MYH9: variants seen among roughly 807,000 people sequenced by gnomAD.
MYH9 encodes myosin-9.
MYH9 carries 29 observed loss-of-function variants against 241.9 expected under a neutral mutation model. The observed-to-expected ratio is 0.12, with a 90% CI of 0.09 to 0.16. The LOEUF is 0.16. Ranked by LOEUF, MYH9 falls within the 10% of genes least tolerant of loss-of-function variation. The pLI, the probability that MYH9 is intolerant of heterozygous loss-of-function variation, is 1.00. For synonymous variants in MYH9, 1,047 were observed against 1,062.6 expected (o/e 0.99, Z 0.29); for missense variants, 1,803 against 2,595.5 (o/e 0.69, Z 6.63).
At chr22:36,289,373 T>C (rs1435436919) in intron 31 of MYH9, 76 bp from the exon 32 acceptor site, 3 of 1,429,368 alleles carry the variant, frequency 2.1e-6, no homozygotes, top group Non-Finnish European at 2.9e-6. Flanking sequence ...CTAAGCTCCC[T>C]GGGGAAGGAG....
In MYH9 at chr22:36,305,779, G is replaced by A; in HGVS notation, c.2159+151C>T. 9.2e-7 allele frequency: 1 copy of A among 1,092,440 alleles called. No individual in the cohort carries two copies. The highest frequency in any genetic ancestry group is 1.4e-6 in the Non-Finnish European group (1 of 724,502). The allele number at this position is 1,092,440 out of a possible 1,614,324, so 67.7% of individuals were successfully genotyped here. On this transcript the variant is annotated intron_variant, in intron 17 of 40. Coordinates refer to ENST00000216181, the MANE Select transcript of MYH9 (RefSeq NM_002473.6). This position sits in a 1 kb window ranked among gnomAD's most constrained non-coding sequence, Gnocchi z 4.7. ...CTGCAAAGGGTGGAAAAGAGAAGGA[G>A]GTGGGGAAGAGCTGGCCAGACTCAG...
chr22:36,314,093 G>A (rs946814756), intron 13 of MYH9, 52 bp downstream of exon 13: 23 of 1,581,906 alleles, frequency 1.5e-5, no homozygotes, highest in East Asian at 4.5e-5. Context: ...CGGGTGCCCC[G>A]GAAGGGAAAA....
chr22:36,300,011 G>T lies in MYH9; in HGVS notation c.2976+116C>A. ...GCAGTTAAGCAGAAGCCCTCATGCT[G>T]CAGGCAGAAGAGACAGGAAGCAGCA... On this transcript the variant is annotated intron_variant, in intron 23 of 40. Coordinates refer to ENST00000216181, the MANE Select transcript of MYH9 (RefSeq NM_002473.6). This position sits in a 1 kb window ranked among gnomAD's most constrained non-coding sequence, Gnocchi z 5.0. The T allele has an allele frequency of 1.4e-6, 2 of 1,445,404 alleles. No homozygotes were observed. Among genetic ancestry groups the T allele is most frequent in the Non-Finnish European group, 1.9e-6 (2 of 1,042,380 alleles). 89.5% of individuals were successfully genotyped at this position (1,445,404 alleles called of 1,614,324 possible). A position where few individuals can be genotyped will look rare whatever the true frequency, so the allele number is the denominator to read the frequency against.
intron 1 of MYH9, among the ~76,000 whole-genome samples, chr22:36,354,348 A>G (rs1276169388): frequency 4.6e-5 from 7 of 151,932 alleles, no homozygotes; most frequent in Admixed American, 1.3e-4. Flanking sequence ...CTCACTGTCC[A>G]ACATTTAATG....
chr22:36,309,184 A>G (rs2017020072), intron 15 of MYH9, 98 bp downstream of exon 15: 1 of 1,018,362 alleles, frequency 9.8e-7, no homozygotes, highest in Non-Finnish European at 1.5e-6. Context: ...CAGGGGGCAC[A>G]TGTGTACCCC....
intron 3 of MYH9, among the ~76,000 whole-genome samples, chr22:36,333,895 G>A (rs1016542527): frequency 2.0e-5 from 3 of 152,136 alleles, no homozygotes; most frequent in Non-Finnish European, 4.4e-5. Flanking sequence ...GCACGAAGTG[G>A]CTTAGTGATT....
In MYH9 at chr22:36,285,575, T is replaced by A. The variant is rs1049254599; in HGVS notation, c.5274+83A>T. The A allele has an allele frequency of 6.9e-6, 11 of 1,592,390 alleles. No individual in the cohort carries two copies. Among genetic ancestry groups the A allele is most frequent in the Admixed American group, 3.4e-5 (2 of 58,396 alleles). On this transcript the variant is annotated intron_variant, in intron 37 of 40. Coordinates refer to ENST00000216181, the MANE Select transcript of MYH9 (RefSeq NM_002473.6). This position sits in a 1 kb window ranked among gnomAD's most constrained non-coding sequence, Gnocchi z 7.0. ...TGGGGAGCAGCTGGCACTTGGCCTGTGCTTCTGCCGGCTGGGTCCAAGGCC... is the reference window on the plus strand; with the variant it reads ...TGGGGAGCAGCTGGCACTTGGCCTGAGCTTCTGCCGGCTGGGTCCAAGGCC...
rs950094791 is a variant in MYH9, at chr22:36,304,137, C to T, written c.2248G>A (p.Asp750Asn). The T allele has an allele frequency of 3.7e-6, 6 of 1,613,554 alleles. No homozygotes were observed. Among genetic ancestry groups the T allele is most frequent in the Non-Finnish European group, 4.2e-6 (5 of 1,180,018 alleles). The change falls in exon 19 of 41, where the codon GAC (aspartate) becomes AAC (asparagine). Residue 750 changes from aspartate to asparagine, a missense_variant. By Grantham distance (23) the Asp-to-Asn change is conservative. This residue lies in a region of MYH9 where 72 missense variants were observed against 83.3 expected (regional missense o/e 0.86). Transcript: ENST00000216181. ...TGGCCAATGCGGTACAGATTGCTGTCGAGCTCCAGGGCTTTTATCTAGGTG... is the reference window on the plus strand; with the variant it reads ...TGGCCAATGCGGTACAGATTGCTGTTGAGCTCCAGGGCTTTTATCTAGGTG... ...CVLMIKALEL[D>N]SNLYRIGQSK...
At chr22:36,310,158 C>A (rs2017037836) in intron 14 of MYH9, among the ~76,000 whole-genome samples, 1 of 149,944 alleles carries the variant, frequency 6.7e-6, no homozygotes, top group Non-Finnish European at 1.5e-5. Context: ...TAATCTCAGC[C>A]CCTAGGGGGG....
chr22:36,300,377 G>A lies in MYH9; in HGVS notation c.2839-113C>T, dbSNP rs2016857492. 4 of 1,478,906 alleles carry A rather than the reference G, an allele frequency of 2.7e-6. No individual in the cohort carries two copies. Among genetic ancestry groups the A allele is most frequent in the Non-Finnish European group, 3.7e-6 (4 of 1,076,386 alleles). The allele number at this position is 1,478,906 out of a possible 1,614,324, so 91.6% of individuals were successfully genotyped here. On this transcript the variant is annotated intron_variant, in intron 22 of 40. Coordinates refer to ENST00000216181, the MANE Select transcript of MYH9 (RefSeq NM_002473.6). The surrounding 1 kb of genome is among the most constrained non-coding windows in gnomAD (Gnocchi z 5.0). ...CGCCAAGGAGAAAATAGCAAGGTCT[G>A]TGAGCCCAGGGCCATGGCTGAGGTG...
At chr22:36,377,766 C>T (rs1238727126) in intron 1 of MYH9, among the ~76,000 whole-genome samples, 4 of 151,944 alleles carry the variant, frequency 2.6e-5, no homozygotes, top group African/African-American at 9.7e-5. Context: ...AAAAATTAGC[C>T]GGGCACGGTG....
At chr22:36,336,897 C>T (rs1036112064) in intron 3 of MYH9, among the ~76,000 whole-genome samples, 2 of 152,214 alleles carry the variant, frequency 1.3e-5, no homozygotes, top group Non-Finnish European at 2.9e-5. Flanking sequence ...CATCCAGTAA[C>T]AGGATAATGT....
At chr22:36,358,468 T>C (rs2017890447) in intron 1 of MYH9, among the ~76,000 whole-genome samples, 1 of 151,682 alleles carries the variant, frequency 6.6e-6, no homozygotes, top group African/African-American at 2.4e-5. Context: ...CGCCCAGAGC[T>C]CTCCCCCACA....
chr22:36,378,197 G>C (rs1253488651), intron 1 of MYH9, among the ~76,000 whole-genome samples: 5 of 151,992 alleles, frequency 3.3e-5, no homozygotes, highest in African/African-American at 1.2e-4. Context: ...GAATGCTTGA[G>C]ACGGAGGCCG....
chr22:36,285,553 G>T lies in MYH9; in HGVS notation c.5274+105C>A. On this transcript the variant is annotated intron_variant, in intron 37 of 40. Transcript: ENST00000216181. The surrounding 1 kb of genome is among the most constrained non-coding windows in gnomAD (Gnocchi z 7.0). ...TGGACATTTTCCCCTAAGCGCCTGG[G>T]GAGCAGCTGGCACTTGGCCTGTGCT... is the stretch of plus-strand genomic sequence containing the variant. The T allele has an allele frequency of 6.4e-7, 1 of 1,554,064 alleles. No individual in the cohort carries two copies.
intron 1 of MYH9, chr22:36,365,173 C>T (rs887017727): frequency 2.0e-5 from 3 of 152,244 alleles, no homozygotes; most frequent in African/African-American, 7.2e-5. Context: ...CATAATGAGT[C>T]AGTCACAGAC....
intron 1 of MYH9, among the ~76,000 whole-genome samples, chr22:36,352,769 G>A (rs1391382904): frequency 2.6e-5 from 4 of 152,182 alleles, no homozygotes; most frequent in Non-Finnish European, 5.9e-5. Context: ...CCGCCTCCAA[G>A]GACCAAGGCT....
chr22:36,284,524 C>A lies in MYH9; in HGVS notation c.5484-13G>T. ...TGCCTGGCGCTCCCTGCATGACAGA[C>A]AAGGTGGCTCAGAGGGAACACCCTC... On this transcript the variant is annotated splice_polypyrimidine_tract_variant and intron_variant, in intron 38 of 40. Transcript: ENST00000216181. The A allele has an allele frequency of 6.2e-7, 1 of 1,610,948 alleles. No individual in the cohort carries two copies. Among genetic ancestry groups the A allele is most frequent in the Non-Finnish European group, 8.5e-7 (1 of 1,179,836 alleles).
At position 36,286,772 on chromosome 22, in the gene MYH9, T is replaced by C. The variant is rs779378524; in HGVS notation, c.5007A>G (p.Lys1669=). ...TGCTCTTCAGCTTCTTCTCGTTCTC[T>C]TTGGCCTGGGCCAGGATCTCCTCAC... ...ASREEILAQA[K]ENEKKLKSME... Residue 1669 remains lysine (K), a synonymous_variant, in exon 35 of 41, where the codon AAA becomes AAG. Coordinates refer to ENST00000216181, the MANE Select transcript of MYH9 (RefSeq NM_002473.6). 1.9e-6 allele frequency: 3 copies of C among 1,613,194 alleles called. No homozygotes were observed. Among genetic ancestry groups the C allele is most frequent in the Non-Finnish European group, 2.5e-6 (3 of 1,180,038 alleles).
Sources: gnomAD v4.1 joint callset for allele counts (sites outside exome capture counted in the v4.1 genomes callset) on GRCh38, gnomAD v4.1.1 for gene constraint, gnomAD v4.1.1 regional missense constraint, Gnocchi (gnomAD v3.1) non-coding constraint, MANE v1.5 for transcripts, NCBI Gene and HGNC (gene_info 2026-07-23, HGNC 2026-07-21) for gene names.